Variants in WRN observed in about 807,000 individuals in gnomAD.
WRN encodes bifunctional 3'-5' exonuclease/ATP-dependent helicase WRN.
In WRN, 149 loss-of-function variants were observed where a neutral mutation model predicts 180.7. The ratio of observed to expected loss-of-function variants is 0.82; its 90% CI spans 0.72 to 0.94. WRN has a LOEUF of 0.94. Ranked by LOEUF, WRN falls within the 40% of genes least tolerant of loss-of-function variation. The probability of loss-of-function intolerance (pLI) is 0.00; values close to 1 mark genes in which losing one functional copy is unlikely to be tolerated. For synonymous variants in WRN, 548 were observed against 568.9 expected, an observed-to-expected ratio of 0.96 and a Z score of 0.52; for missense variants, 1,661 against 1,700.1, an observed-to-expected ratio of 0.98 and a Z score of 0.40.
chr8:31,115,305 T>C (rs565554202), intron 19 of WRN, among the ~76,000 whole-genome samples: 1 of 152,370 alleles, frequency 6.6e-6, no homozygotes, highest in South Asian at 2.1e-4. Context: ...CAAAAATAGA[T>C]TTGAACAGAT....
chr8:31,124,414 G>T, intron 21 of WRN, 108 bp from the exon 22 acceptor site: 1 of 839,624 alleles, frequency 1.2e-6, no homozygotes, highest in Non-Finnish European at 1.9e-6. Context: ...TTGATGGGGT[G>T]TGGGTTTTGT....
At chr8:31,162,379 A>C (rs996975311) in intron 33 of WRN, among the ~76,000 whole-genome samples, 2 of 152,174 alleles carry the variant, frequency 1.3e-5, no homozygotes, top group African/African-American at 2.4e-5. Context: ...CAGTCTCACT[A>C]TCTTCCACCT....
At chr8:31,139,927 A>G (rs1485358198) in intron 24 of WRN, among the ~76,000 whole-genome samples, 1 of 151,626 alleles carries the variant, frequency 6.6e-6, no homozygotes, top group Non-Finnish European at 1.5e-5. Flanking sequence ...CCCTTGAATT[A>G]CAATCGGCCA....
At position 31,067,129 on chromosome 8, in the gene WRN, A is replaced by G. The variant is rs767516095; in HGVS notation, c.601A>G (p.Ser201Gly). Residue 201 changes from serine to glycine, a missense_variant, in exon 6 of 35, where the codon AGT becomes GGT. Coordinates refer to ENST00000298139, the MANE Select transcript of WRN (RefSeq NM_000553.6). ...CAAGTCTATCCGCTGTAGCAATTGG[A>G]GTAAATTTCCTCTCACTGAGGACCA... ...KDKSIRCSNW[S>G]KFPLTEDQKL... 10 of 1,613,984 alleles carry G rather than the reference A, an allele frequency of 6.2e-6. No individual in the cohort carries two copies. The highest frequency in any genetic ancestry group is 1.7e-5 in the Admixed American group (1 of 60,020).
intron 11 of WRN, 123 bp from the exon 12 acceptor site, chr8:31,087,653 C>T: frequency 1.1e-6 from 1 of 930,454 alleles, no homozygotes; most frequent in East Asian, 2.5e-5. Context: ...TGTAGTATGG[C>T]TTGCACATCT....
At chr8:31,132,786 CCTAGA>C (rs1802238084) in intron 24 of WRN, among the ~76,000 whole-genome samples, 1 of 152,104 alleles carries the variant, frequency 6.6e-6, no homozygotes, top group Admixed American at 6.5e-5. Flanking sequence ...TGGGTGAATC[CCTAGA>C]CTAGTCTTGC....
rs552060289 is a variant in WRN at position 31,151,390 on chromosome 8, G to A, written c.3687+935G>A. Among the ~76,000 whole-genome samples, 4 of 152,266 alleles carry A rather than the reference G, an allele frequency of 2.6e-5. No individual in the cohort carries two copies. In the South Asian group the frequency reaches 8.3e-4, roughly 32 times the overall value. Reference sequence around the variant, plus strand: ...TAGAAAAATCTTTCTCTAACTATAAGTAGAAAACCCTTCTGCTTTTTGAAT... The same window carrying A: ...TAGAAAAATCTTTCTCTAACTATAAATAGAAAACCCTTCTGCTTTTTGAAT... On this transcript the variant is annotated intron_variant, in intron 31 of 34. Transcript: ENST00000298139.
intron 1 of WRN, among the ~76,000 whole-genome samples, chr8:31,053,061 C>T (rs1438165428): frequency 6.6e-6 from 1 of 152,138 alleles, no homozygotes; most frequent in Non-Finnish European, 1.5e-5. Flanking sequence ...ATCAAAAAGG[C>T]ATTCATTTCA....
At chr8:31,107,959 A>C (rs1390421530) in intron 18 of WRN, among the ~76,000 whole-genome samples, 1 of 152,246 alleles carries the variant, frequency 6.6e-6, no homozygotes, top group Admixed American at 6.5e-5. Context: ...ATTTAGAATG[A>C]GTGCATGAAT....
At chr8:31,154,490 C>G (rs1803292254) in intron 31 of WRN, 134 bp from the exon 32 acceptor site, 2 of 1,053,078 alleles carry the variant, frequency 1.9e-6, no homozygotes, top group Non-Finnish European at 2.6e-6. Context: ...TTTGAGCTCC[C>G]CATAAAAAGG....
chr8:31,051,603 C>G (rs1212623142), intron 1 of WRN, among the ~76,000 whole-genome samples: 1 of 152,156 alleles, frequency 6.6e-6, no homozygotes, highest in Non-Finnish European at 1.5e-5. Flanking sequence ...GACAGATAAT[C>G]TCTTAGCATT....
At position 31,052,005 on chromosome 8, in the gene WRN, C is replaced by T. The variant is rs139374673; in HGVS notation, c.-76-6367C>T. 9.2e-5 allele frequency among the ~76,000 whole-genome samples: 14 copies of T among 152,238 alleles called. No homozygotes were observed. In the East Asian group the frequency reaches 2.5e-3, roughly 27 times the overall value. On this transcript the variant is annotated intron_variant, in intron 1 of 34. Coordinates refer to ENST00000298139, the MANE Select transcript of WRN (RefSeq NM_000553.6). ...GTCTATAGGTAAAATTTCATTGTAA[C>T]GTTGTTATGCTTAAGTATTGTTTAT...
At chr8:31,149,727 G>A (rs1422580050) in intron 30 of WRN, among the ~76,000 whole-genome samples, 3 of 151,818 alleles carry the variant, frequency 2.0e-5, no homozygotes, top group Non-Finnish European at 4.4e-5. Context: ...CACCCGCCCC[G>A]GCCTCCCAAA....
At chr8:31,151,478 CTT>C (rs1395695218) in intron 31 of WRN, among the ~76,000 whole-genome samples, 5 of 152,044 alleles carry the variant, frequency 3.3e-5, no homozygotes, top group African/African-American at 1.2e-4. Context: ...TTTTCATACT[CTT>C]ATATAAGACA....
At chr8:31,135,524 A>G (rs1802365752) in intron 24 of WRN, among the ~76,000 whole-genome samples, 1 of 152,234 alleles carries the variant, frequency 6.6e-6, no homozygotes, top group Non-Finnish European at 1.5e-5. Context: ...GTAATGTAGC[A>G]GAGAATTAGA....
chr8:31,130,769 T>C (rs1405849796), intron 23 of WRN, among the ~76,000 whole-genome samples: 1 of 152,186 alleles, frequency 6.6e-6, no homozygotes, highest in Non-Finnish European at 1.5e-5. Context: ...AAAACAGTTG[T>C]AAAATTGTCC....
intron 7 of WRN, among the ~76,000 whole-genome samples, chr8:31,070,949 G>T (rs1467421199): frequency 6.6e-6 from 1 of 151,846 alleles, no homozygotes; most frequent in Non-Finnish European, 1.5e-5. Context: ...GGGAGGCTGA[G>T]GCAGGAGAAT....
chr8:31,072,162 G>A (rs1415305993), intron 7 of WRN, among the ~76,000 whole-genome samples: 5 of 152,170 alleles, frequency 3.3e-5, no homozygotes, highest in African/African-American at 9.7e-5. Flanking sequence ...TAGACATCGA[G>A]GAAATTAGGA....
At chr8:31,079,335 TAA>T (rs1258156584) in intron 8 of WRN, among the ~76,000 whole-genome samples, 1 of 152,196 alleles carries the variant, frequency 6.6e-6, no homozygotes, top group Non-Finnish European at 1.5e-5. Flanking sequence ...TATAAAAATT[TAA>T]AAGACATGTC....
Sources: allele counts gnomAD v4.1 joint callset (sites outside exome capture counted in the v4.1 genomes callset), GRCh38; gene constraint gnomAD v4.1.1; transcripts MANE v1.5; gene names NCBI Gene and HGNC (gene_info 2026-07-23, HGNC 2026-07-21).